Variants in ZFHX3 observed in about 807,000 individuals in gnomAD.
ZFHX3 encodes the protein zinc finger homeobox protein 3.
In ZFHX3, 42 loss-of-function variants were observed where a neutral mutation model predicts 279.1. That is an observed-to-expected ratio of 0.15 (90% CI 0.12 to 0.19). The LOEUF is 0.19. Ranked by LOEUF, ZFHX3 falls within the 10% of genes least tolerant of loss-of-function variation. The probability of loss-of-function intolerance (pLI) is 1.00; values close to 1 mark genes in which losing one functional copy is unlikely to be tolerated. For synonymous variants in ZFHX3, 2,293 were observed against 1,957.8 expected, an observed-to-expected ratio of 1.17 and a Z score of -4.52; for missense variants, 4,981 against 4,754.0, an observed-to-expected ratio of 1.05 and a Z score of -1.40.
intron 5 of ZFHX3, among the ~76,000 whole-genome samples, chr16:73,180,290 G>C (rs759472642): frequency 4.7e-4 from 72 of 152,118 alleles, no homozygotes; most frequent in Non-Finnish European, 4.6e-4. Flanking sequence ...AAGAGATTCA[G>C]GGCTCATACC....
chr16:73,472,736 C>G (rs905341237), intron 2 of ZFHX3, among the ~76,000 whole-genome samples: 2 of 152,172 alleles, frequency 1.3e-5, no homozygotes. Context: ...ATTGGTTAGT[C>G]CAGCTCCTTC....
At chr16:73,020,196 G>A (rs373123149) in intron 1 of ZFHX3, among the ~76,000 whole-genome samples, 2 of 152,130 alleles carry the variant, frequency 1.3e-5, no homozygotes, top group African/African-American at 2.4e-5. Flanking sequence ...CAGAGGCACC[G>A]GGAGGCCTGA....
chr16:73,111,546 T>A (rs1966373393), intron 7 of ZFHX3, among the ~76,000 whole-genome samples: 1 of 151,982 alleles, frequency 6.6e-6, no homozygotes, highest in South Asian at 2.1e-4. Context: ...AGCTTTGCTG[T>A]TTATCCTAAG....
chr16:73,029,025 T>A (rs772142626), intron 1 of ZFHX3, among the ~76,000 whole-genome samples: 2 of 152,098 alleles, frequency 1.3e-5, no homozygotes, highest in Non-Finnish European at 2.9e-5. Flanking sequence ...GTCTAACATC[T>A]TCTTCACTCA....
In ZFHX3 at chr16:72,787,703, C is replaced by G; in HGVS notation, c.10573G>C (p.Gly3525Arg). 7.6e-7 allele frequency: 1 copy of G among 1,317,906 alleles called. No homozygotes were observed. 81.6% of individuals were successfully genotyped at this position (1,317,906 alleles called of 1,614,324 possible). ...GCCAGGCAGTGGTACGAGCCGCCGCCGCCGCCGCCGCCGCCACCGCCGCCG... is the reference window on the plus strand; with the variant it reads ...GCCAGGCAGTGGTACGAGCCGCCGCGGCCGCCGCCGCCGCCACCGCCGCCG... The part of the protein sequence containing the change: ...GGGGGGGGGG[G>R]GGSYHCLACE... The change falls in exon 10 of 10, where the codon GGC (glycine) becomes CGC (arginine). Residue 3525 changes from glycine (G) to arginine (R), a missense_variant. Physicochemically the swap from Gly to Arg is moderately radical, Grantham distance 125. Coordinates refer to ENST00000268489, the MANE Select transcript of ZFHX3 (RefSeq NM_006885.4).
At chr16:73,304,544 C>T (rs959266365) in intron 4 of ZFHX3, among the ~76,000 whole-genome samples, 3 of 152,206 alleles carry the variant, frequency 2.0e-5, no homozygotes, top group Admixed American at 6.5e-5. Flanking sequence ...ACTCTCTCCC[C>T]GCACATTAGC....
intron 7 of ZFHX3, chr16:73,126,735 C>G (rs939129618): frequency 2.6e-5 from 4 of 152,234 alleles, no homozygotes; most frequent in Admixed American, 6.6e-5. Flanking sequence ...GGACCGCCCC[C>G]TGAGGTGGTG....
intron 8 of ZFHX3, among the ~76,000 whole-genome samples, chr16:73,068,371 G>C (rs993367802): frequency 6.6e-6 from 1 of 152,202 alleles, no homozygotes; most frequent in Admixed American, 6.5e-5. Context: ...TTCCCGGAAG[G>C]GTGCTCTGGT....
chr16:73,816,063 G>C (rs1167086029), intron 1 of ZFHX3: 1 of 152,168 alleles, frequency 6.6e-6, no homozygotes, highest in African/African-American at 2.4e-5. Context: ...TATTGGACAG[G>C]AGAGACCTGG....
At chr16:72,990,778 C>G (rs779014622) in intron 1 of ZFHX3, among the ~76,000 whole-genome samples, 2 of 152,060 alleles carry the variant, frequency 1.3e-5, no homozygotes, top group Admixed American at 1.3e-4. Context: ...GCCAGGACTT[C>G]GAGACCAGCC....
intron 4 of ZFHX3, among the ~76,000 whole-genome samples, chr16:73,271,896 G>A (rs191502961): frequency 6.6e-6 from 1 of 152,302 alleles, no homozygotes; most frequent in East Asian, 1.9e-4. Context: ...TGGGTTCTTA[G>A]AGGGGAGAGA....
chr16:73,621,103 G>C (rs1597032148), intron 2 of ZFHX3, among the ~76,000 whole-genome samples: 1 of 152,206 alleles, frequency 6.6e-6, no homozygotes, highest in Non-Finnish European at 1.5e-5. Context: ...CTGAGGAAGA[G>C]GTCTTGGGGA....
intron 5 of ZFHX3, among the ~76,000 whole-genome samples, chr16:73,205,218 C>A (rs937018403): frequency 6.6e-6 from 1 of 152,096 alleles, no homozygotes; most frequent in Admixed American, 6.6e-5. Flanking sequence ...GTATATCTAA[C>A]CCACCTTGAG....
At chr16:73,752,803 C>T (rs1285520334) in intron 1 of ZFHX3, among the ~76,000 whole-genome samples, 1 of 152,176 alleles carries the variant, frequency 6.6e-6, no homozygotes, top group Admixed American at 6.5e-5. Flanking sequence ...CAATATCCGA[C>T]ATCATCTCCC....
At chr16:72,867,819 C>G (rs2143938383) in intron 4 of ZFHX3, among the ~76,000 whole-genome samples, 1 of 152,190 alleles carries the variant, frequency 6.6e-6, no homozygotes, top group African/African-American at 2.4e-5. Flanking sequence ...TGCCTCTGGT[C>G]ACTGCACCAA....
intron 5 of ZFHX3, among the ~76,000 whole-genome samples, chr16:73,164,604 G>C (rs1967314234): frequency 6.6e-6 from 1 of 151,840 alleles, no homozygotes; most frequent in African/African-American, 2.4e-5. Flanking sequence ...GGAGGCTGAG[G>C]CAGGAGAATG....
intron 1 of ZFHX3, among the ~76,000 whole-genome samples, chr16:73,030,075 G>C (rs1964641102): frequency 6.6e-6 from 1 of 152,096 alleles, no homozygotes; most frequent in South Asian, 2.1e-4. Flanking sequence ...TCTCCTCCCA[G>C]GGCAAAGGAA....
chr16:73,844,632 T>G, intron 1 of ZFHX3, among the ~76,000 whole-genome samples: 3 of 150,134 alleles, frequency 2.0e-5, no homozygotes, highest in Non-Finnish European at 3.0e-5. Flanking sequence ...GGAAGATGGG[T>G]AGAGGGATGG....
intron 7 of ZFHX3, among the ~76,000 whole-genome samples, chr16:73,095,703 G>A (rs1365604097): frequency 6.6e-6 from 1 of 152,164 alleles, no homozygotes; most frequent in Non-Finnish European, 1.5e-5. Context: ...TTGGCCTGAT[G>A]CCATTTGGTA....
Sources: allele counts gnomAD v4.1 joint callset (sites outside exome capture counted in the v4.1 genomes callset), GRCh38; gene constraint gnomAD v4.1.1; transcripts MANE v1.5; gene names NCBI Gene and HGNC (gene_info 2026-07-23, HGNC 2026-07-21).